The following DLG2 variants were observed in gnomAD, a reference collection of about 807,000 sequenced individuals.
DLG2 encodes disks large homolog 2.
In DLG2, 45 loss-of-function variants were observed where a neutral mutation model predicts 132.5. That is an observed-to-expected ratio of 0.34 (90% confidence interval 0.27 to 0.44). DLG2 has a LOEUF of 0.44. DLG2 is among the 20% of genes least tolerant of loss of function. DLG2 has a pLI of 1.00. For synonymous variants in DLG2, 424 were observed against 419.6 expected (o/e 1.01, Z -0.13); for missense variants, 1,045 against 1,196.9 (o/e 0.87, Z 1.87).
At chr11:85,080,879 G>T (rs751564357) in intron 6 of DLG2, among the ~76,000 whole-genome samples, 2 of 152,052 alleles carry the variant, frequency 1.3e-5, no homozygotes, top group Non-Finnish European at 2.9e-5. Context: ...CAAGCCTCCA[G>T]CAATAAGTCT....
intron 6 of DLG2, among the ~76,000 whole-genome samples, chr11:84,999,908 G>T (rs141552514): frequency 1.2e-3 from 187 of 152,182 alleles, no homozygotes; most frequent in African/African-American, 4.3e-3. Context: ...AAGAAACATG[G>T]CAGATCTGCA....
intron 3 of DLG2, among the ~76,000 whole-genome samples, chr11:85,506,194 G>GT (rs1190916041): frequency 6.6e-6 from 1 of 152,194 alleles, no homozygotes; most frequent in Middle Eastern, 3.4e-3. Context: ...TTTTTGAAGG[G>GT]TTTTTTGTAT....
At chr11:84,328,369 C>A (rs1435915367) in intron 7 of DLG2, among the ~76,000 whole-genome samples, 1 of 152,020 alleles carries the variant, frequency 6.6e-6, no homozygotes, top group Admixed American at 6.6e-5. Context: ...TGAGGAAATA[C>A]ATCTCTTTAA....
At chr11:85,216,317 T>C (rs2082592754) in intron 4 of DLG2, among the ~76,000 whole-genome samples, 1 of 152,076 alleles carries the variant, frequency 6.6e-6, no homozygotes, top group South Asian at 2.1e-4. Context: ...AAGCAGAAAA[T>C]AGGCCATTTT....
chr11:85,445,314 C>T (rs1312627976), intron 3 of DLG2, among the ~76,000 whole-genome samples: 1 of 152,140 alleles, frequency 6.6e-6, no homozygotes, highest in Non-Finnish European at 1.5e-5. Flanking sequence ...CTCCCATCTC[C>T]TGGACAAATC....
At chr11:85,121,911 T>C (rs2152365854) in intron 5 of DLG2, among the ~76,000 whole-genome samples, 1 of 152,306 alleles carries the variant, frequency 6.6e-6, no homozygotes, top group African/African-American at 2.4e-5. Context: ...TGAGTCTATA[T>C]ATACACACAC....
At chr11:85,504,603 T>G (rs182412010) in intron 3 of DLG2, among the ~76,000 whole-genome samples, 163 of 152,286 alleles carry the variant, frequency 1.1e-3, no homozygotes, top group Middle Eastern at 6.8e-3. Flanking sequence ...CCATGCTGTT[T>G]TGGTTACTGC....
chr11:83,651,381 A>G (rs1267947791), intron 18 of DLG2, among the ~76,000 whole-genome samples: 1 of 152,198 alleles, frequency 6.6e-6, no homozygotes, highest in African/African-American at 2.4e-5. Context: ...CAGGTAAAGA[A>G]GCTGTACAAA....
chr11:85,034,312 G>A (rs1049848576), intron 6 of DLG2, among the ~76,000 whole-genome samples: 6 of 152,106 alleles, frequency 3.9e-5, no homozygotes, highest in South Asian at 2.1e-4. Context: ...TCCTGACCTC[G>A]TGATCCGCCT....
At position 83,719,295 on chromosome 11, in the gene DLG2, C is replaced by T. The variant is rs4544025; in HGVS notation, c.1825+67395G>A. Reference sequence around the variant, plus strand: ...TCACTATTAGCAGAAATGGAAGAGACGCCCTGCCACTATGTGACTTGAGTG... The same window carrying T: ...TCACTATTAGCAGAAATGGAAGAGATGCCCTGCCACTATGTGACTTGAGTG... On this transcript the variant is annotated intron_variant, in intron 18 of 27. Transcript: ENST00000376104. Among the ~76,000 whole-genome samples the T allele has an allele frequency of 9.8e-3, 1,489 of 152,292 alleles. 23 individuals are homozygous for T. Among genetic ancestry groups the T allele is most frequent in the African/African-American group, 0.031 (1,300 of 41,544 alleles).
intron 6 of DLG2, among the ~76,000 whole-genome samples, chr11:84,999,140 CTTG>C (rs575646979): frequency 1.2e-3 from 186 of 152,080 alleles, no homozygotes; most frequent in African/African-American, 4.3e-3. Context: ...TCTGACCACT[CTTG>C]GATGAATCAA....
At chr11:83,866,086 T>TC (rs375545213) in intron 16 of DLG2, among the ~76,000 whole-genome samples, 3 of 152,090 alleles carry the variant, frequency 2.0e-5, no homozygotes, top group East Asian at 3.9e-4. Context: ...CCTTTTTTTT[T>TC]CACAGAGCTT....
At chr11:84,382,972 C>A (rs974876829) in intron 7 of DLG2, among the ~76,000 whole-genome samples, 6 of 151,672 alleles carry the variant, frequency 4.0e-5, no homozygotes, top group Non-Finnish European at 7.4e-5. Flanking sequence ...TATTTCCCTT[C>A]CTCTCATCTT....
At chr11:83,483,910 T>G (rs568743049) in intron 22 of DLG2, among the ~76,000 whole-genome samples, 17 of 152,120 alleles carry the variant, frequency 1.1e-4, no homozygotes, top group Non-Finnish European at 2.1e-4. Flanking sequence ...AGTCCCAGTT[T>G]TGGCAAGTCT....
chr11:84,458,250 G>A (rs1426436024), intron 7 of DLG2, among the ~76,000 whole-genome samples: 2 of 150,780 alleles, frequency 1.3e-5, no homozygotes, highest in African/African-American at 4.8e-5. Flanking sequence ...TATACAAAAT[G>A]CTGATTTGGT....
chr11:84,500,164 G>C (rs188611487), intron 7 of DLG2, among the ~76,000 whole-genome samples: 2 of 152,084 alleles, frequency 1.3e-5, no homozygotes, highest in African/African-American at 4.8e-5. Context: ...ATGATAGAGC[G>C]AGTTGGAAAG....
chr11:84,895,785 T>C (rs1201999139), intron 6 of DLG2, among the ~76,000 whole-genome samples: 1 of 152,104 alleles, frequency 6.6e-6, no homozygotes, highest in East Asian at 1.9e-4. Context: ...TGGTCATGTA[T>C]CAAGTTAAGA....
chr11:83,708,466 C>T (rs1032820013), intron 18 of DLG2, among the ~76,000 whole-genome samples: 1 of 152,156 alleles, frequency 6.6e-6, no homozygotes, highest in Non-Finnish European at 1.5e-5. Context: ...GGAGAAACAG[C>T]TATATAACCT....
chr11:83,578,234 C>T (rs4100074), intron 19 of DLG2, among the ~76,000 whole-genome samples: 33,018 of 150,942 alleles, frequency 0.22, 3,750 homozygotes, highest in Non-Finnish European at 0.23. Flanking sequence ...ACACTACAAA[C>T]CCTAAAGCAA....
Sources: allele counts gnomAD v4.1 joint callset (sites outside exome capture counted in the v4.1 genomes callset), GRCh38; gene constraint gnomAD v4.1.1; transcripts MANE v1.5; gene names NCBI Gene and HGNC (gene_info 2026-07-23, HGNC 2026-07-21).